Variants in SCN3A observed in about 807,000 individuals in gnomAD.
SCN3A encodes sodium voltage-gated channel alpha subunit 3.
SCN3A carries 60 observed loss-of-function variants against 187.6 expected under a neutral mutation model. The ratio of observed to expected loss-of-function variants is 0.32; its 90% CI spans 0.26 to 0.40. The LOEUF (loss-of-function observed/expected upper bound fraction) is 0.40, where lower values mean the gene tolerates loss of function less well. Among genes scored for constraint, SCN3A ranks in the 10% least tolerant of loss-of-function variants. SCN3A has a pLI of 1.00. For missense variants in SCN3A, 1,601 were observed against 2,428.2 expected (o/e 0.66, Z 7.16); for synonymous variants, 788 against 829.2 (o/e 0.95, Z 0.85).
rs1463058668 is a variant in SCN3A, at chr2:165,100,406, C to T, written c.3862G>A (p.Val1288Ile). ...LIVDVSLVSL[V>I]ANALGYSELG... ...TCTGAGTAGCCAAGAGCATTGGCTACCAGGCTAACCAAAGAAACCTACAAA... is the reference window on the plus strand; with the variant it reads ...TCTGAGTAGCCAAGAGCATTGGCTATCAGGCTAACCAAAGAAACCTACAAA... The change falls in exon 22 of 28, where the codon GTA becomes ATA. Residue 1288 changes from valine to isoleucine, a missense_variant. Transcript: ENST00000283254. The T allele has an allele frequency of 2.5e-6, 4 of 1,613,664 alleles. No homozygotes were observed. In the South Asian group the frequency reaches 4.4e-5, roughly 18 times the overall value.
At position 165,113,716 on chromosome 2, in the gene SCN3A, C is replaced by G. The variant is rs1686225576; in HGVS notation, c.3669+100G>C. 3.7e-6 allele frequency: 5 copies of G among 1,333,984 alleles called. No individual in the cohort carries two copies. In the South Asian group the frequency reaches 5.9e-5, roughly 16 times the overall value. 82.6% of individuals were successfully genotyped at this position (1,333,984 alleles called of 1,614,324 possible). A position where few individuals can be genotyped will look rare whatever the true frequency, so the allele number is the denominator to read the frequency against. ...CAAGCTCTGCAAGACACAGATATGC[C>G]TTTTCTTTTGATTCTGAAGCTCAGT... On this transcript the variant is annotated intron_variant, in intron 20 of 27. Coordinates refer to ENST00000283254, the MANE Select transcript of SCN3A (RefSeq NM_006922.4).
At chr2:165,115,153 G>C (rs1048868912) in intron 19 of SCN3A, among the ~76,000 whole-genome samples, 1 of 152,018 alleles carries the variant, frequency 6.6e-6, no homozygotes, top group Non-Finnish European at 1.5e-5. Flanking sequence ...CCCTGCAAAA[G>C]CTCTAAGATA....
At chr2:165,193,425 C>A (rs142517922) in intron 1 of SCN3A, among the ~76,000 whole-genome samples, 13 of 152,200 alleles carry the variant, frequency 8.5e-5, no homozygotes, top group African/African-American at 2.6e-4. Context: ...TTACAGGAAG[C>A]TTTCTATTTT....
chr2:165,115,100 C>CTGAA (rs1396474386), intron 19 of SCN3A, among the ~76,000 whole-genome samples: 1 of 152,084 alleles, frequency 6.6e-6, no homozygotes, highest in Non-Finnish European at 1.5e-5. Flanking sequence ...ATTGCCCAGG[C>CTGAA]TGAAGTGCAG....
intron 1 of SCN3A, among the ~76,000 whole-genome samples, chr2:165,202,928 T>G (rs1477587137): frequency 6.6e-6 from 1 of 152,102 alleles, no homozygotes; most frequent in African/African-American, 2.4e-5. Context: ...CAATAATTTC[T>G]TATTCTAATT....
chr2:165,116,521 A>G (rs1015928266), intron 18 of SCN3A, among the ~76,000 whole-genome samples: 3 of 152,316 alleles, frequency 2.0e-5, no homozygotes, highest in African/African-American at 7.2e-5. Flanking sequence ...AGATGAAACA[A>G]TAGTGCATGG....
At chr2:165,159,432 C>T (rs1423476077) in intron 9 of SCN3A, among the ~76,000 whole-genome samples, 1 of 137,652 alleles carries the variant, frequency 7.3e-6, no homozygotes, top group African/African-American at 3.0e-5. Flanking sequence ...TCATGGCTCA[C>T]TGCAGCCTCG....
At chr2:165,099,649 G>A (rs1319134771) in intron 22 of SCN3A, among the ~76,000 whole-genome samples, 1 of 152,066 alleles carries the variant, frequency 6.6e-6, no homozygotes, top group Admixed American at 6.6e-5. Flanking sequence ...CCCGGGAGGC[G>A]GAAGTTGCAG....
intron 20 of SCN3A, among the ~76,000 whole-genome samples, chr2:165,113,323 G>GC (rs1433030232): frequency 1.3e-5 from 2 of 152,070 alleles, no homozygotes; most frequent in Non-Finnish European, 2.9e-5. Flanking sequence ...ACAAAGACAT[G>GC]CTTTTAATGA....
In SCN3A at chr2:165,155,783, G is replaced by A. The variant is rs144824239; in HGVS notation, c.1152C>T (p.Tyr384=). Residue 384 remains tyrosine (Y), a synonymous_variant, in exon 10 of 28, where the codon TAC becomes TAT. Transcript: ENST00000283254. ...LSLFRLMTQD[Y]WENLYQLTLR... is the part of the protein sequence containing the mutation. ...TTACCAACTGGTAAAGATTTTCCCA[G>A]TAGTCTTGAGTCATGAGTCGAAATA... 1.4e-5 allele frequency: 22 copies of A among 1,614,096 alleles called. No individual in the cohort carries two copies. In the East Asian group the frequency reaches 4.9e-4, roughly 36 times the overall value.
chr2:165,163,670 C>T lies in SCN3A; in HGVS notation c.642G>A (p.Ala214=), dbSNP rs575814709. 341 of 1,614,068 alleles carry T rather than the reference C, an allele frequency of 2.1e-4. 5 individuals are homozygous for T. In the South Asian group the frequency reaches 3.4e-3, roughly 16 times the overall value. ...TEFVDLGNVS[A]LRTFRVLRAL... ...CTCGGAGAACTCTGAATGTTCTCAA[C>T]GCTGAGACATTGCCCAGGTCCACAA... The change falls in exon 7 of 28, where the codon GCG becomes GCA. Residue 214 remains alanine, a synonymous_variant. Coordinates refer to ENST00000283254, the MANE Select transcript of SCN3A (RefSeq NM_006922.4).
intron 16 of SCN3A, among the ~76,000 whole-genome samples, chr2:165,130,898 G>A (rs1687275447): frequency 6.6e-6 from 1 of 151,976 alleles, no homozygotes; most frequent in Non-Finnish European, 1.5e-5. Flanking sequence ...ATTCCTAGAA[G>A]TAGGGTTAAT....
intron 27 of SCN3A, chr2:165,091,977 C>T: frequency 6.1e-6 from 3 of 495,284 alleles, no homozygotes; most frequent in Non-Finnish European, 1.1e-5. Context: ...CTCTTTTAGC[C>T]TGTGACCTTG....
At chr2:165,194,836 A>T (rs1447185042) in intron 1 of SCN3A, 1 of 152,052 alleles carries the variant, frequency 6.6e-6, no homozygotes, top group African/African-American at 2.4e-5. Context: ...AAAGATGAAA[A>T]AAAAAAGTCT....
intron 21 of SCN3A, among the ~76,000 whole-genome samples, chr2:165,105,929 C>T (rs1685834207): frequency 6.6e-6 from 1 of 152,110 alleles, no homozygotes; most frequent in African/African-American, 2.4e-5. Flanking sequence ...AACTCAAGGG[C>T]CGCCTCTTTG....
intron 15 of SCN3A, among the ~76,000 whole-genome samples, chr2:165,136,782 G>A (rs535087254): frequency 1.6e-4 from 24 of 152,314 alleles, no homozygotes; most frequent in African/African-American, 5.5e-4. Flanking sequence ...CAAGAATATG[G>A]TGGGTGTTCT....
At chr2:165,176,020 T>C in intron 3 of SCN3A, 111 bp downstream of exon 3, 1 of 951,462 alleles carries the variant, frequency 1.1e-6, no homozygotes, top group South Asian at 1.6e-5. Flanking sequence ...AAGAGTATTA[T>C]AAAATCTTTA....
At chr2:165,133,133 CA>C in intron 15 of SCN3A, among the ~76,000 whole-genome samples, 1 of 152,116 alleles carries the variant, frequency 6.6e-6, no homozygotes, top group East Asian at 1.9e-4. Context: ...TAGGAAACAA[CA>C]GGTGCTGGAG....
intron 18 of SCN3A, among the ~76,000 whole-genome samples, chr2:165,122,414 A>G (rs1686735663): frequency 6.6e-6 from 1 of 151,966 alleles, no homozygotes; most frequent in Non-Finnish European, 1.5e-5. Flanking sequence ...AATACAATTT[A>G]CTTATAAAGG....
Sources: allele counts gnomAD v4.1 joint callset (sites outside exome capture counted in the v4.1 genomes callset), GRCh38; gene constraint gnomAD v4.1.1; transcripts MANE v1.5; gene names NCBI Gene and HGNC (gene_info 2026-07-23, HGNC 2026-07-21).